The following WDR45B variants were observed in gnomAD, a reference collection of about 807,000 sequenced individuals.
The protein encoded by WDR45B is WD repeat domain phosphoinositide-interacting protein 3.
WDR45B carries 20 observed loss-of-function variants against 44.6 expected under a neutral mutation model. The observed-to-expected ratio is 0.45, with a 90% CI of 0.32 to 0.65. The LOEUF (loss-of-function observed/expected upper bound fraction) is 0.65. WDR45B is among the 30% of genes least tolerant of loss of function. The probability of loss-of-function intolerance (pLI) is 0.05; values close to 1 mark genes in which losing one functional copy is unlikely to be tolerated. For synonymous variants in WDR45B, 169 were observed against 164.9 expected (o/e 1.02, Z -0.19); for missense variants, 323 against 430.2 (o/e 0.75, Z 2.20).
chr17:82,631,140 C>G (rs2045761356), intron 2 of WDR45B, 118 bp from the exon 3 acceptor site: 1 of 948,834 alleles, frequency 1.1e-6, no homozygotes, highest in Non-Finnish European at 1.6e-6. Context: ...TTGTAAGAGA[C>G]AAGATCTCAC....
intron 2 of WDR45B, among the ~76,000 whole-genome samples, chr17:82,641,103 T>A (rs561812361): frequency 4.0e-5 from 6 of 151,674 alleles, no homozygotes; most frequent in African/African-American, 1.5e-4. Flanking sequence ...GTAATTTGAA[T>A]TACAGGTATG....
At chr17:82,632,823 T>C (rs566266187) in intron 2 of WDR45B, among the ~76,000 whole-genome samples, 1 of 151,180 alleles carries the variant, frequency 6.6e-6, no homozygotes, top group Non-Finnish European at 1.5e-5. Flanking sequence ...AGCCCAAGAG[T>C]TCAAGGCCAT....
chr17:82,622,872 C>A (rs912329305), intron 5 of WDR45B, among the ~76,000 whole-genome samples: 4 of 151,904 alleles, frequency 2.6e-5, no homozygotes, highest in Admixed American at 6.6e-5. Context: ...AGAAAAAAAA[C>A]CTTGTATTTA....
chr17:82,646,450 G>A (rs2045976440), intron 1 of WDR45B, among the ~76,000 whole-genome samples: 1 of 115,578 alleles, frequency 8.7e-6, no homozygotes, highest in Non-Finnish European at 1.6e-5. Flanking sequence ...ACGCGCCATT[G>A]CACTCCAGCC....
intron 2 of WDR45B, among the ~76,000 whole-genome samples, chr17:82,634,024 G>A (rs2045801519): frequency 6.6e-6 from 1 of 151,434 alleles, no homozygotes; most frequent in Admixed American, 6.6e-5. Context: ...GGTGGCAGGT[G>A]CCTGTAATCC....
At chr17:82,631,169 A>C in intron 2 of WDR45B, 147 bp from the exon 3 acceptor site, 1 of 730,358 alleles carries the variant, frequency 1.4e-6, no homozygotes, top group Admixed American at 2.2e-5. Context: ...CCAGGCTGGA[A>C]TGCAGTAGCT....
intron 9 of WDR45B, among the ~76,000 whole-genome samples, chr17:82,616,281 T>C (rs1400442804): frequency 8.5e-5 from 13 of 152,128 alleles, no homozygotes; most frequent in South Asian, 4.1e-4. Context: ...TATACAAACA[T>C]TGGAAGACCT....
Position 82,626,422 on chromosome 17 carries a change from C to A in WDR45B, c.332+782G>T, listed in dbSNP as rs111794925. Among the ~76,000 whole-genome samples the A allele has an allele frequency of 3.3e-3, 489 of 149,720 alleles. 2 individuals carry two copies. The highest frequency in any genetic ancestry group is 0.011 in the African/African-American group (460 of 40,574). On this transcript the variant is annotated intron_variant, in intron 4 of 9. Transcript: ENST00000392325. The stretch of plus-strand genomic sequence containing the variant: ...TGGTGGTGTGCGCCTGTAGTCCCAG[C>A]TACTCCGGAGGCTGAGGCAGGAATT...
intron 2 of WDR45B, among the ~76,000 whole-genome samples, chr17:82,632,671 T>G (rs1281931961): frequency 6.6e-6 from 1 of 152,074 alleles, no homozygotes; most frequent in East Asian, 1.9e-4. Context: ...ATGAGCTCTA[T>G]CTCTCCAGTC....
chr17:82,617,694 C>A (rs1190103786), intron 7 of WDR45B, among the ~76,000 whole-genome samples: 20 of 152,178 alleles, frequency 1.3e-4, no homozygotes, highest in Admixed American at 5.9e-4. Context: ...GCAGACCACA[C>A]CCCCAACATG....
chr17:82,635,157 A>C (rs1331108609), intron 2 of WDR45B, among the ~76,000 whole-genome samples: 1 of 151,898 alleles, frequency 6.6e-6, no homozygotes, highest in Non-Finnish European at 1.5e-5. Context: ...TTTATTTTAC[A>C]TAATTTTTTA....
At chr17:82,641,207 T>C (rs1049115749) in intron 2 of WDR45B, among the ~76,000 whole-genome samples, 2 of 152,156 alleles carry the variant, frequency 1.3e-5, no homozygotes, top group Non-Finnish European at 2.9e-5. Context: ...GCTCAGGCAA[T>C]CTGCTCGCCT....
At chr17:82,617,660 TCTGG>T (rs2045556113) in intron 7 of WDR45B, 3 of 504,408 alleles carry the variant, frequency 5.9e-6, no homozygotes, top group Non-Finnish European at 1.1e-5. Context: ...GAGCTGTGTG[TCTGG>T]GAGAGGGAAG....
rs541086831 is a variant in WDR45B at position 82,635,077 on chromosome 17, C to G, written c.143-4055G>C. On this transcript the variant is annotated intron_variant, in intron 2 of 9. Transcript: ENST00000392325. ...TTCCCAAGATGAAATTCTAGAGGTC[C>G]GTTTAACAACAATGTGAATATATTC... is the stretch of plus-strand genomic sequence containing the variant. Among the ~76,000 whole-genome samples the G allele has an allele frequency of 1.2e-3, 180 of 152,004 alleles. 1 individual carries two copies. The highest frequency in any genetic ancestry group is 3.8e-3 in the African/African-American group (159 of 41,324).
intron 7 of WDR45B, 98 bp downstream of exon 7, chr17:82,618,945 G>C: frequency 9.2e-7 from 1 of 1,086,666 alleles, no homozygotes; most frequent in Non-Finnish European, 1.4e-6. Flanking sequence ...TTATTCGGGG[G>C]AGGGTGGCTG....
chr17:82,647,208 G>C (rs1439306154), intron 1 of WDR45B, among the ~76,000 whole-genome samples: 2 of 152,102 alleles, frequency 1.3e-5, no homozygotes, highest in East Asian at 3.8e-4. Context: ...GACAGAATGA[G>C]ACTCCGTCTC....
At chr17:82,621,312 C>T (rs2045613090) in intron 6 of WDR45B, among the ~76,000 whole-genome samples, 1 of 152,188 alleles carries the variant, frequency 6.6e-6, no homozygotes, top group Admixed American at 6.5e-5. Flanking sequence ...CCTTGGCCTC[C>T]CAAATTGCTG....
rs1384298032 is a variant in WDR45B at position 82,615,575 on chromosome 17, C to G, written c.*344G>C. 5.4e-6 allele frequency: 2 copies of G among 369,402 alleles called. No individual in the cohort carries two copies. The highest frequency in any genetic ancestry group is 4.1e-5 in the African/African-American group (2 of 48,336). The allele number at this position is 369,402 out of a possible 1,614,324, so 22.9% of individuals were successfully genotyped here. A position where few individuals can be genotyped will look rare whatever the true frequency, so the allele number is the denominator to read the frequency against. On this transcript the variant is annotated 3_prime_UTR_variant, in exon 10 of 10. Transcript: ENST00000392325. ...CTGCAAAAACAAACCTGAACTCGTC[C>G]ACCCTCTCAGCCCAGTCCCCAGGTC...
chr17:82,635,989 G>C (rs1169912392), intron 2 of WDR45B, among the ~76,000 whole-genome samples: 1 of 151,862 alleles, frequency 6.6e-6, no homozygotes, highest in Non-Finnish European at 1.5e-5. Flanking sequence ...CGAGAAGTTG[G>C]GGCAGGAGAA....
Sources: gnomAD v4.1 joint callset for allele counts (sites outside exome capture counted in the v4.1 genomes callset) on GRCh38, gnomAD v4.1.1 for gene constraint, MANE v1.5 for transcripts, NCBI Gene and HGNC (gene_info 2026-07-23, HGNC 2026-07-21) for gene names.